Variants in B4GALT5 observed in about 807,000 individuals in gnomAD.
B4GALT5 encodes UDP-Gal:beta-GlcNAc beta-1,4-galactosyltransferase 5.
Under a neutral mutation model 45.0 loss-of-function variants are expected in B4GALT5, and 11 were observed. That is an observed-to-expected ratio of 0.24 (90% CI 0.15 to 0.40). B4GALT5 has a LOEUF of 0.40. B4GALT5 is among the 10% of genes least tolerant of loss of function. B4GALT5 has a pLI of 1.00. For synonymous variants in B4GALT5, 185 were observed against 182.9 expected (o/e 1.01, Z -0.09); for missense variants, 337 against 500.2 (o/e 0.67, Z 3.11).
chr20:49,642,852 A>C (rs1460957334), intron 4 of B4GALT5, among the ~76,000 whole-genome samples: 1 of 152,262 alleles, frequency 6.6e-6, no homozygotes, highest in Non-Finnish European at 1.5e-5. Flanking sequence ...CACATTCTAC[A>C]CTGTGACAAA....
At chr20:49,700,495 C>T (rs1315425579) in intron 1 of B4GALT5, among the ~76,000 whole-genome samples, 4 of 151,770 alleles carry the variant, frequency 2.6e-5, no homozygotes, top group African/African-American at 9.7e-5. Context: ...AACAAGTTTT[C>T]CCCCAGGTTG....
chr20:49,649,518 T>A (rs1004963924), intron 2 of B4GALT5, among the ~76,000 whole-genome samples: 1 of 151,984 alleles, frequency 6.6e-6, no homozygotes, highest in African/African-American at 2.4e-5. Flanking sequence ...AGGTCGAGGT[T>A]CCGGTGGGCA....
chr20:49,681,670 C>T (rs938735544), intron 1 of B4GALT5, among the ~76,000 whole-genome samples: 1 of 152,252 alleles, frequency 6.6e-6, no homozygotes, highest in Non-Finnish European at 1.5e-5. Context: ...ACCTGTTCTA[C>T]CGCAGTCTTC....
At chr20:49,699,192 A>C (rs910645878) in intron 1 of B4GALT5, among the ~76,000 whole-genome samples, 1 of 152,128 alleles carries the variant, frequency 6.6e-6, no homozygotes, top group African/African-American at 2.4e-5. Context: ...GACAATCAGT[A>C]CTGATTGCCT....
intron 1 of B4GALT5, among the ~76,000 whole-genome samples, chr20:49,657,200 T>C (rs1055444404): frequency 6.6e-6 from 1 of 152,182 alleles, no homozygotes; most frequent in African/African-American, 2.4e-5. Context: ...TTCAAAGTGG[T>C]AGACTGAGGC....
At chr20:49,710,319 AC>A (rs1268033262) in intron 1 of B4GALT5, among the ~76,000 whole-genome samples, 2 of 152,102 alleles carry the variant, frequency 1.3e-5, no homozygotes, top group African/African-American at 4.8e-5. Context: ...ACTACATGAA[AC>A]TGCTGATATA....
chr20:49,695,097 CTTTT>C (rs763721449), intron 1 of B4GALT5, among the ~76,000 whole-genome samples: 110 of 135,700 alleles, frequency 8.1e-4, no homozygotes, highest in Non-Finnish European at 1.1e-3. Flanking sequence ...TCATTAGGTT[CTTTT>C]TTTTTTTTTT....
At chr20:49,667,870 T>C (rs908801819) in intron 1 of B4GALT5, among the ~76,000 whole-genome samples, 1 of 152,218 alleles carries the variant, frequency 6.6e-6, no homozygotes, top group African/African-American at 2.4e-5. Context: ...TTAAATCTGC[T>C]TAAAATGCTG....
intron 3 of B4GALT5, among the ~76,000 whole-genome samples, chr20:49,644,474 C>T (rs910241520): frequency 2.0e-5 from 3 of 152,184 alleles, no homozygotes; most frequent in African/African-American, 4.8e-5. Flanking sequence ...AGCCACACTA[C>T]CTCTCTCAAT....
chr20:49,663,711 A>C lies in B4GALT5; in HGVS notation c.116-7009T>G, dbSNP rs58177639. On this transcript the variant is annotated intron_variant, in intron 1 of 8. Transcript: ENST00000371711. ...AAAAAATATATACATATATATATAT[A>C]TATATATATATATATATGAAAAATG... 7.5e-3 allele frequency among the ~76,000 whole-genome samples: 948 copies of C among 126,796 alleles called. 80 individuals are homozygous for C. Among genetic ancestry groups the C allele is most frequent in the East Asian group, 0.074 (312 of 4,244 alleles). 83.2% of individuals were successfully genotyped at this position (126,796 alleles called of 152,430 possible).
chr20:49,640,424 C>A (rs143227970), intron 6 of B4GALT5, 54 bp downstream of exon 6: 2 of 1,453,634 alleles, frequency 1.4e-6, no homozygotes, highest in Non-Finnish European at 9.1e-7. Flanking sequence ...CTTTTCACAT[C>A]GCTCACCATC....
chr20:49,680,713 A>G (rs1391702675), intron 1 of B4GALT5, among the ~76,000 whole-genome samples: 1 of 152,194 alleles, frequency 6.6e-6, no homozygotes, highest in Non-Finnish European at 1.5e-5. Flanking sequence ...GGAAACGAAT[A>G]GTAGTAATGG....
At chr20:49,678,242 T>G in intron 1 of B4GALT5, among the ~76,000 whole-genome samples, 1 of 152,160 alleles carries the variant, frequency 6.6e-6, no homozygotes, top group East Asian at 1.9e-4. Flanking sequence ...TGGGCTAAAC[T>G]AAAAGATGAA....
chr20:49,672,034 T>C (rs1338074044), intron 1 of B4GALT5, among the ~76,000 whole-genome samples: 1 of 152,188 alleles, frequency 6.6e-6, no homozygotes, highest in African/African-American at 2.4e-5. Flanking sequence ...ATAATGATCC[T>C]AAAGCTCTTG....
intron 1 of B4GALT5, among the ~76,000 whole-genome samples, chr20:49,693,723 T>C: frequency 6.6e-6 from 1 of 152,190 alleles, no homozygotes; most frequent in East Asian, 1.9e-4. Context: ...GGCAGCAGTG[T>C]GCGCTTATGC....
intron 1 of B4GALT5, among the ~76,000 whole-genome samples, chr20:49,703,843 C>T (rs750169274): frequency 2.6e-5 from 4 of 151,038 alleles, no homozygotes; most frequent in African/African-American, 7.3e-5. Flanking sequence ...GAGCCCTGAT[C>T]GCACCACTGC....
At position 49,633,372 on chromosome 20, in the gene B4GALT5, G is replaced by A. The variant is rs1003255695; in HGVS notation, c.*2940C>T. 1 of 141,918 alleles carries A rather than the reference G, an allele frequency of 7.0e-6. No individual in the cohort carries two copies. The highest frequency in any genetic ancestry group is 1.5e-5 in the Non-Finnish European group (1 of 66,794). The allele number at this position is 141,918 out of a possible 1,614,324, so 8.8% of individuals were successfully genotyped here. ...ACAGCAATCAAAGACAAGATTAAGGGGCCACCCATCAGTAGCCTTGAAGAT... is the reference window on the plus strand; with the variant it reads ...ACAGCAATCAAAGACAAGATTAAGGAGCCACCCATCAGTAGCCTTGAAGAT... On this transcript the variant is annotated 3_prime_UTR_variant, in exon 9 of 9. Coordinates refer to ENST00000371711, the MANE Select transcript of B4GALT5 (RefSeq NM_004776.4).
rs2085545261 is a variant in B4GALT5, at chr20:49,635,024, C to G, written c.*1288G>C. ...CCCCACAGCACACAAGTGTCACCAG[C>G]TCCCTGGCTCCTGGCTCCCTATTTG... is the stretch of plus-strand genomic sequence containing the variant. On this transcript the variant is annotated 3_prime_UTR_variant, in exon 9 of 9. Coordinates refer to ENST00000371711, the MANE Select transcript of B4GALT5 (RefSeq NM_004776.4). 1 of 152,276 alleles carries G rather than the reference C, an allele frequency of 6.6e-6. No individual in the cohort carries two copies. The highest frequency in any genetic ancestry group is 2.1e-4 in the South Asian group (1 of 4,834). The allele number at this position is 152,276 out of a possible 1,614,324, so 9.4% of individuals were successfully genotyped here. A position where few individuals can be genotyped will look rare whatever the true frequency, so the allele number is the denominator to read the frequency against.
chr20:49,699,574 T>C (rs183255304), intron 1 of B4GALT5, among the ~76,000 whole-genome samples: 161 of 152,260 alleles, frequency 1.1e-3, no homozygotes, highest in Admixed American at 2.9e-3. Context: ...TCTAAATACA[T>C]TGCTTTTTCC....
Sources: allele counts gnomAD v4.1 joint callset (sites outside exome capture counted in the v4.1 genomes callset), GRCh38; gene constraint gnomAD v4.1.1; transcripts MANE v1.5; gene names NCBI Gene and HGNC (gene_info 2026-07-23, HGNC 2026-07-21).